Variants in SLC10A2 observed in about 807,000 individuals in gnomAD.
The protein encoded by SLC10A2 is solute carrier family 10 member 2, also known as ileal sodium/bile acid cotransporter.
Under a neutral mutation model 27.1 loss-of-function variants are expected in SLC10A2, and 34 were observed. That is an observed-to-expected ratio of 1.26 (90% CI 0.96 to 1.67). SLC10A2 has a LOEUF of 1.67. Among genes scored for constraint, SLC10A2 ranks in the 40% most tolerant of loss-of-function variants. The probability of loss-of-function intolerance (pLI) is 0.00; values close to 1 mark genes in which losing one functional copy is unlikely to be tolerated. For synonymous variants in SLC10A2, 205 were observed against 174.0 expected, an observed-to-expected ratio of 1.18 and a Z score of -1.40; for missense variants, 530 against 444.4, an observed-to-expected ratio of 1.19 and a Z score of -1.73.
intron 3 of SLC10A2, 25 bp from the exon 4 acceptor site, chr13:103,051,457 C>A (rs751619357): frequency 6.2e-7 from 1 of 1,612,652 alleles, no homozygotes. Context: ...AATAAGTGAA[C>A]CCAGCAATCA....
At position 103,066,117 on chromosome 13, in the gene SLC10A2, C is replaced by T. The variant is rs780918056; in HGVS notation, c.133G>A (p.Val45Met). Residue 45 changes from valine (V) to methionine (M), a missense_variant, in exon 1 of 6, where the codon GTG becomes ATG. Physicochemically the swap from Val to Met is conservative, Grantham distance 21. Transcript: ENST00000245312. ...STVLTILLALVMFSMGCNVEI... is the reference protein window; with the variant it reads ...STVLTILLALMMFSMGCNVEI... Reference sequence around the variant, plus strand: ...ACGTTGCATCCCATGGAGAACATCACCAAGGCCAACAGGATGGTCAGCACC... The same window carrying T: ...ACGTTGCATCCCATGGAGAACATCATCAAGGCCAACAGGATGGTCAGCACC... 2.5e-6 allele frequency: 4 copies of T among 1,614,074 alleles called. No individual in the cohort carries two copies. Among genetic ancestry groups the T allele is most frequent in the Non-Finnish European group, 3.4e-6 (4 of 1,179,974 alleles).
At chr13:103,051,605 AC>A (rs1479858461) in intron 3 of SLC10A2, among the ~76,000 whole-genome samples, 173 bp from the exon 4 acceptor site, 1 of 152,190 alleles carries the variant, frequency 6.6e-6, no homozygotes, top group Non-Finnish European at 1.5e-5. Flanking sequence ...GGAAATACTG[AC>A]GCTTGTCCCA....
rs182021361 is a variant in SLC10A2 at position 103,049,393 on chromosome 13, G to T, written c.815C>A (p.Thr272Asn). Residue 272 changes from threonine to asparagine, a missense_variant, in exon 5 of 6, where the codon ACC becomes AAC. Coordinates refer to ENST00000245312, the MANE Select transcript of SLC10A2 (RefSeq NM_000452.3). Reference sequence around the variant, plus strand: ...AGGAGTGAAGGAGAGCTGAACGATGGTGGAACATAGCTGCGTGTTCTGCAT... The same window carrying T: ...AGGAGTGAAGGAGAGCTGAACGATGTTGGAACATAGCTGCGTGTTCTGCAT... ...TGMQNTQLCS[T>N]IVQLSFTPEE... 9 of 1,614,048 alleles carry T rather than the reference G, an allele frequency of 5.6e-6. No individual in the cohort carries two copies. The highest frequency in any genetic ancestry group is 3.3e-5 in the Admixed American group (2 of 60,024).
At chr13:103,056,013 G>A (rs1311924786) in intron 2 of SLC10A2, among the ~76,000 whole-genome samples, 1 of 152,222 alleles carries the variant, frequency 6.6e-6, no homozygotes, top group African/African-American at 2.4e-5. Context: ...TTATTAGCCA[G>A]TCAGGTTTTA....
At chr13:103,054,710 C>A (rs1463811119) in intron 2 of SLC10A2, among the ~76,000 whole-genome samples, 1 of 152,084 alleles carries the variant, frequency 6.6e-6, no homozygotes, top group Non-Finnish European at 1.5e-5. Flanking sequence ...CAGATGAGGC[C>A]AGATGAAGTT....
chr13:103,048,836 T>C (rs1483742032), intron 5 of SLC10A2, among the ~76,000 whole-genome samples: 1 of 152,224 alleles, frequency 6.6e-6, no homozygotes, highest in African/African-American at 2.4e-5. Context: ...CATATACACA[T>C]ATGCACACAC....
chr13:103,044,938 T>G lies in SLC10A2; in HGVS notation c.*1195A>C, dbSNP rs200716192. 8 of 152,318 alleles carry G rather than the reference T, an allele frequency of 5.3e-5. No individual in the cohort carries two copies. Among genetic ancestry groups the G allele is most frequent in the Admixed American group, 1.3e-4 (2 of 15,290 alleles). 9.4% of individuals were successfully genotyped at this position (152,318 alleles called of 1,614,324 possible). A position where few individuals can be genotyped will look rare whatever the true frequency, so the allele number is the denominator to read the frequency against. On this transcript the variant is annotated 3_prime_UTR_variant, in exon 6 of 6. Transcript: ENST00000245312. ...TCAGATAGTCCTGGCTTCCCTTGGC[T>G]ACACCTACTTACAGCATTGAAACAA...
chr13:103,051,224 A>G, intron 4 of SLC10A2, 33 bp downstream of exon 4: 2 of 1,605,910 alleles, frequency 1.2e-6, no homozygotes, highest in Non-Finnish European at 1.7e-6. Context: ...ATTACAGATT[A>G]AAATTCCCAA....
rs370845798 is a variant in SLC10A2, at chr13:103,058,242, G to C, written c.496+22C>G. On this transcript the variant is annotated intron_variant, in intron 2 of 5. Transcript: ENST00000245312. The stretch of plus-strand genomic sequence containing the variant: ...GAGAGTTTGAGGGTAACAGTCAACA[G>C]TCTTACAGATGGATGACTTACCTAT... 8.2e-6 allele frequency: 11 copies of C among 1,333,906 alleles called. No individual in the cohort carries two copies. The African/African-American group carries it at 1.4e-4, about 17-fold the overall frequency. 82.6% of individuals were successfully genotyped at this position (1,333,906 alleles called of 1,614,324 possible). A position where few individuals can be genotyped will look rare whatever the true frequency, so the allele number is the denominator to read the frequency against.
rs771963962 is a variant in SLC10A2 at position 103,046,242 on chromosome 13, T to C, written c.938A>G (p.Lys313Arg). The C allele has an allele frequency of 6.2e-7, 1 of 1,612,728 alleles. No homozygotes were observed. The highest frequency in any genetic ancestry group is 1.1e-5 in the South Asian group (1 of 91,052). The part of the protein sequence containing the change: ...IFLGFYVAYK[K>R]CHGKNKAEIP... The stretch of plus-strand genomic sequence containing the variant: ...TTCTGCCTTGTTTTTTCCATGACAT[T>C]TCTTGTATGCCACATAAACTAGAAA... The change falls in exon 6 of 6, where the codon AAA (lysine) becomes AGA (arginine). Residue 313 changes from lysine (K) to arginine (R), a missense_variant. Coordinates refer to ENST00000245312, the MANE Select transcript of SLC10A2 (RefSeq NM_000452.3).
chr13:103,064,664 A>G (rs1322164327), intron 1 of SLC10A2, among the ~76,000 whole-genome samples: 1 of 152,094 alleles, frequency 6.6e-6, no homozygotes, highest in Non-Finnish European at 1.5e-5. Context: ...GTCTAAAAAG[A>G]CCTTATTGCT....
rs1875538974 is a variant in SLC10A2 at position 103,044,135 on chromosome 13, T to C, written c.*1998A>G. On this transcript the variant is annotated 3_prime_UTR_variant, in exon 6 of 6. Coordinates refer to ENST00000245312, the MANE Select transcript of SLC10A2 (RefSeq NM_000452.3). ...ATAGAGAGCTATCATTTTAGAAAGC[T>C]CAGCTATTTTTCTTCCCACTAGCAA... 6.6e-6 allele frequency: 1 copy of C among 152,194 alleles called. No homozygotes were observed. The highest frequency in any genetic ancestry group is 6.5e-5 in the Admixed American group (1 of 15,268). 9.4% of individuals were successfully genotyped at this position (152,194 alleles called of 1,614,324 possible).
At chr13:103,065,341 G>C (rs1337426174) in intron 1 of SLC10A2, among the ~76,000 whole-genome samples, 1 of 152,184 alleles carries the variant, frequency 6.6e-6, no homozygotes, top group Non-Finnish European at 1.5e-5. Flanking sequence ...AATGCCAGTA[G>C]AGGTGAAGCA....
Position 103,052,496 on chromosome 13 carries a change from A to G in SLC10A2, c.585+124T>C, listed in dbSNP as rs1875814256. ...TTCTAAAGGAGAAGACTGCATGGCTAATGACTTCAGGCCCCCACTCAACAG... is the reference window on the plus strand; with the variant it reads ...TTCTAAAGGAGAAGACTGCATGGCTGATGACTTCAGGCCCCCACTCAACAG... On this transcript the variant is annotated intron_variant, in intron 3 of 5. Transcript: ENST00000245312. 4 of 755,406 alleles carry G rather than the reference A, an allele frequency of 5.3e-6. No homozygotes were observed. The Admixed American group carries it at 7.5e-5, about 14-fold the overall frequency. The allele number at this position is 755,406 out of a possible 1,614,324, so 46.8% of individuals were successfully genotyped here.
At chr13:103,064,753 A>T (rs1293712087) in intron 1 of SLC10A2, among the ~76,000 whole-genome samples, 1 of 152,004 alleles carries the variant, frequency 6.6e-6, no homozygotes, top group Non-Finnish European at 1.5e-5. Context: ...CCTTAAAAAA[A>T]AAAAAGCAAT....
intron 1 of SLC10A2, among the ~76,000 whole-genome samples, chr13:103,065,418 A>T (rs942234294): frequency 6.6e-6 from 1 of 152,120 alleles, no homozygotes; most frequent in Non-Finnish European, 1.5e-5. Context: ...GCTATATTTG[A>T]TGGAGTTGAC....
At chr13:103,052,887 T>C (rs1296707051) in intron 2 of SLC10A2, among the ~76,000 whole-genome samples, 179 bp from the exon 3 acceptor site, 1 of 152,124 alleles carries the variant, frequency 6.6e-6, no homozygotes, top group Non-Finnish European at 1.5e-5. Flanking sequence ...CTCAACTTCT[T>C]CACCCACTCC....
chr13:103,046,065 CAAA>C lies in SLC10A2; in HGVS notation c.*65_*67del. On this transcript the variant is annotated 3_prime_UTR_variant, in exon 6 of 6. Coordinates refer to ENST00000245312, the MANE Select transcript of SLC10A2 (RefSeq NM_000452.3). The stretch of plus-strand genomic sequence containing the variant: ...TTTTCTGCCAACTGTCCTACCAAAA[CAAA>C]TAATTAAATATAGTTACGGTTTAAG... 6.3e-7 allele frequency: 1 copy of C among 1,581,734 alleles called. No individual in the cohort carries two copies. The highest frequency in any genetic ancestry group is 1.1e-5 in the South Asian group (1 of 89,808).
chr13:103,051,850 C>G (rs893824230), intron 3 of SLC10A2, among the ~76,000 whole-genome samples: 34 of 152,182 alleles, frequency 2.2e-4, no homozygotes, highest in African/African-American at 8.0e-4. Context: ...GTCGCCCCAG[C>G]TTCCCTTTAT....
Sources: allele counts gnomAD v4.1 joint callset (sites outside exome capture counted in the v4.1 genomes callset), GRCh38; gene constraint gnomAD v4.1.1; transcripts MANE v1.5; gene names NCBI Gene and HGNC (gene_info 2026-07-23, HGNC 2026-07-21).